Variants in RBFOX1 observed in about 807,000 individuals in gnomAD.
RBFOX1 encodes the protein RNA binding protein fox-1 homolog 1.
In RBFOX1, 8 loss-of-function variants were observed where a neutral mutation model predicts 57.7. The ratio of observed to expected loss-of-function variants is 0.14; its 90% CI spans 0.08 to 0.25. RBFOX1 has a LOEUF of 0.25. RBFOX1 is among the 10% of genes least tolerant of loss of function. RBFOX1 has a pLI of 1.00. For missense variants in RBFOX1, 611 were observed against 548.5 expected (o/e 1.11, Z -1.14); for synonymous variants, 326 against 222.4 (o/e 1.47, Z -4.15).
At chr16:6,121,606 G>C (rs1308779566) in intron 1 of RBFOX1, among the ~76,000 whole-genome samples, 1 of 152,130 alleles carries the variant, frequency 6.6e-6, no homozygotes, top group Non-Finnish European at 1.5e-5. Context: ...GAGCATTCCT[G>C]CTCATCCTTC....
rs1254610799 is a variant in RBFOX1, at chr16:7,078,882, T to G, written c.27+26784T>G. On this transcript the variant is annotated intron_variant, in intron 4 of 15. Transcript: ENST00000550418. Reference sequence around the variant, plus strand: ...ATATACCTTTTTTTTTTTTTTTTTTTTTTTTTTAGTGAAGATGGGGTTTTA... The same window carrying G: ...ATATACCTTTTTTTTTTTTTTTTTTGTTTTTTTAGTGAAGATGGGGTTTTA... 6.0e-3 allele frequency among the ~76,000 whole-genome samples: 847 copies of G among 140,972 alleles called. 6 individuals are homozygous for G. Among genetic ancestry groups the G allele is most frequent in the African/African-American group, 0.012 (446 of 38,580 alleles). 92.5% of individuals were successfully genotyped at this position (140,972 alleles called of 152,430 possible). A position where few individuals can be genotyped will look rare whatever the true frequency, so the allele number is the denominator to read the frequency against.
intron 3 of RBFOX1, among the ~76,000 whole-genome samples, chr16:6,870,725 A>T (rs1178048712): frequency 1.3e-5 from 2 of 152,156 alleles, no homozygotes. Context: ...TTGAATAATT[A>T]TTTCACCACC....
chr16:6,930,186 G>A (rs1341269926), intron 3 of RBFOX1, among the ~76,000 whole-genome samples: 4 of 152,166 alleles, frequency 2.6e-5, no homozygotes, highest in Non-Finnish European at 5.9e-5. Flanking sequence ...TTTGATAAGG[G>A]ATTAATATTG....
At chr16:6,915,105 T>G (rs1244412591) in intron 3 of RBFOX1, among the ~76,000 whole-genome samples, 1 of 152,188 alleles carries the variant, frequency 6.6e-6, no homozygotes, top group Admixed American at 6.5e-5. Flanking sequence ...AGAACTGGCC[T>G]GCGGTCCTCC....
intron 4 of RBFOX1, among the ~76,000 whole-genome samples, chr16:7,334,714 C>A (rs1304678815): frequency 6.6e-6 from 1 of 152,186 alleles, no homozygotes; most frequent in Non-Finnish European, 1.5e-5. Flanking sequence ...CGAAATGCCA[C>A]TCTGGACGTA....
chr16:5,506,611 A>G (rs552533043), intron 2 of RBFOX1, among the ~76,000 whole-genome samples: 2 of 152,308 alleles, frequency 1.3e-5, no homozygotes, highest in African/African-American at 4.8e-5. Context: ...AATTAAACCT[A>G]TTAATCACCC....
chr16:7,329,997 A>G (rs1315554440), intron 4 of RBFOX1, among the ~76,000 whole-genome samples: 1 of 152,220 alleles, frequency 6.6e-6, no homozygotes, highest in Admixed American at 6.5e-5. Context: ...GCAATCTTGT[A>G]CTGAATACTG....
At chr16:7,333,200 C>T (rs974893083) in intron 4 of RBFOX1, 13 of 960,556 alleles carry the variant, frequency 1.4e-5, no homozygotes, top group South Asian at 5.5e-5. Flanking sequence ...AAAGCCCTCG[C>T]GTAGTCAGTG....
intron 3 of RBFOX1, among the ~76,000 whole-genome samples, chr16:6,711,906 T>C (rs1368408481): frequency 6.6e-6 from 1 of 152,210 alleles, no homozygotes; most frequent in African/African-American, 2.4e-5. Flanking sequence ...CAGTGAGGTA[T>C]TTTATATTGA....
intron 1 of RBFOX1, among the ~76,000 whole-genome samples, chr16:6,259,784 G>A (rs987109875): frequency 1.3e-5 from 2 of 151,746 alleles, no homozygotes; most frequent in Admixed American, 6.6e-5. Flanking sequence ...ATGCTGAGAC[G>A]CCATTTGTAC....
intron 4 of RBFOX1, among the ~76,000 whole-genome samples, chr16:7,189,906 C>G (rs1406361076): frequency 6.6e-6 from 1 of 152,214 alleles, no homozygotes; most frequent in Non-Finnish European, 1.5e-5. Flanking sequence ...AAAAACAGAT[C>G]ATTCTCCTAA....
chr16:6,133,038 ATTTT>A (rs34134690), intron 1 of RBFOX1, among the ~76,000 whole-genome samples: 1 of 146,542 alleles, frequency 6.8e-6, no homozygotes, highest in Non-Finnish European at 1.5e-5. Flanking sequence ...ATGTTGTGTA[ATTTT>A]TTTTTTTTTC....
intron 3 of RBFOX1, among the ~76,000 whole-genome samples, chr16:7,050,688 A>T (rs1002849884): frequency 6.6e-6 from 1 of 152,214 alleles, no homozygotes; most frequent in South Asian, 2.1e-4. Context: ...AACATTTTTC[A>T]TATCTCTATA....
chr16:7,159,133 CTG>C (rs1164907600), intron 4 of RBFOX1, among the ~76,000 whole-genome samples: 1 of 152,050 alleles, frequency 6.6e-6, no homozygotes, highest in Non-Finnish European at 1.5e-5. Context: ...CCTTTGGAGA[CTG>C]GCTTCTTTTT....
chr16:7,174,763 A>C (rs1472912801), intron 4 of RBFOX1, among the ~76,000 whole-genome samples: 2 of 152,324 alleles, frequency 1.3e-5, no homozygotes, highest in East Asian at 3.9e-4. Context: ...CTGGGAGACA[A>C]AGCGAGACTC....
intron 2 of RBFOX1, among the ~76,000 whole-genome samples, chr16:5,469,970 T>A (rs73528620): frequency 2.1e-4 from 32 of 152,298 alleles, no homozygotes; most frequent in African/African-American, 7.7e-4. Flanking sequence ...TTTGTGCCCA[T>A]GTACTTGTCT....
chr16:7,614,390 C>T (rs552150492), intron 10 of RBFOX1: 1 of 152,192 alleles, frequency 6.6e-6, no homozygotes, highest in South Asian at 2.1e-4. Flanking sequence ...TCCAGCCCTG[C>T]CCATATTTGG....
intron 1 of RBFOX1, among the ~76,000 whole-genome samples, chr16:5,420,827 T>C (rs1421245133): frequency 2.0e-5 from 3 of 151,600 alleles, no homozygotes; most frequent in Non-Finnish European, 4.4e-5. Context: ...TGAGCCACCA[T>C]GCCCAGCCAT....
intron 2 of RBFOX1, among the ~76,000 whole-genome samples, chr16:6,398,354 T>C (rs2092926701): frequency 6.6e-6 from 1 of 152,160 alleles, no homozygotes; most frequent in Non-Finnish European, 1.5e-5. Context: ...CAATTATTCC[T>C]TTTCAACAGT....
Sources: gnomAD v4.1 joint callset for allele counts (sites outside exome capture counted in the v4.1 genomes callset) on GRCh38, gnomAD v4.1.1 for gene constraint, MANE v1.5 for transcripts, NCBI Gene and HGNC (gene_info 2026-07-23, HGNC 2026-07-21) for gene names.